The following PZP variants were observed in gnomAD, a reference collection of about 807,000 sequenced individuals.
PZP encodes pregnancy zone protein.
A neutral mutation model predicts 179.8 loss-of-function variants in PZP; 150 were observed. The observed-to-expected ratio is 0.83, with a 90% confidence interval of 0.73 to 0.96. The LOEUF is 0.96. PZP is among the 40% of genes least tolerant of loss of function. The probability of loss-of-function intolerance (pLI) is 0.00; values close to 1 mark genes in which losing one functional copy is unlikely to be tolerated. For synonymous variants in PZP, 624 were observed against 652.3 expected, an observed-to-expected ratio of 0.96 and a Z score of 0.66; for missense variants, 1,689 against 1,764.0, an observed-to-expected ratio of 0.96 and a Z score of 0.76.
chr12:9,200,941 C>G lies in PZP; in HGVS notation c.621G>C (p.Gln207His), dbSNP rs150116909. 1.2e-6 allele frequency: 2 copies of G among 1,613,978 alleles called. No individual in the cohort carries two copies. Among genetic ancestry groups the G allele is most frequent in the African/African-American group, 1.3e-5 (1 of 74,934 alleles). Residue 207 changes from glutamine (Q) to histidine (H), a missense_variant, in exon 6 of 36, where the codon CAG becomes CAC. Around this residue, in one of 3 missense-constraint regions of PZP, gnomAD observed 742 missense variants for 730.5 expected, o/e 1.02. Coordinates refer to ENST00000261336, the MANE Select transcript of PZP (RefSeq NM_002864.3). ...PIQGSYRVVV[Q>H]TESGGRIQHP... ...GCTGTATCCTTCCACCTGATTCTGT[C>G]TGTACCACCACCCTGTAGGAGCCCT...
In PZP at chr12:9,202,329, C is replaced by A; in HGVS notation, c.470G>T (p.Arg157Leu). ...ATAGTGGATGCTTACCAGTTCATTT[C>A]GAGGGCGAAAATTTTCATCCACGGA... is the stretch of plus-strand genomic sequence containing the variant. ...VVSVDENFRP[R>L]NELIPLIYLE... Residue 157 changes from arginine (R) to leucine (L), a missense_variant, in exon 4 of 36, where the codon CGA becomes CTA. Physicochemically the swap from Arg to Leu is moderately radical, Grantham distance 102 (BLOSUM62 -2). This residue lies in a region of PZP where 742 missense variants were observed against 730.5 expected (regional missense o/e 1.02). Transcript: ENST00000261336. 6.2e-7 allele frequency: 1 copy of A among 1,613,862 alleles called. No individual in the cohort carries two copies. Among genetic ancestry groups the A allele is most frequent in the South Asian group, 1.1e-5 (1 of 91,064 alleles).
Position 9,200,939 on chromosome 12 carries a change from G to C in PZP, c.623C>G (p.Thr208Arg). Residue 208 changes from threonine (T) to arginine (R), a missense_variant, in exon 6 of 36, where the codon ACA becomes AGA. Thr to Arg is a moderately conservative substitution (Grantham distance 71). Coordinates refer to ENST00000261336, the MANE Select transcript of PZP (RefSeq NM_002864.3). ...GTGCTGTATCCTTCCACCTGATTCT[G>C]TCTGTACCACCACCCTGTAGGAGCC... ...IQGSYRVVVQ[T>R]ESGGRIQHPF... 2 of 1,614,034 alleles carry C rather than the reference G, an allele frequency of 1.2e-6. No homozygotes were observed. The highest frequency in any genetic ancestry group is 2.2e-5 in the East Asian group (1 of 44,876).
chr12:9,198,089 AT>A lies in PZP; in HGVS notation c.756-967del, dbSNP rs758842883. On this transcript the variant is annotated intron_variant, in intron 7 of 35. Coordinates refer to ENST00000261336, the MANE Select transcript of PZP (RefSeq NM_002864.3). The stretch of plus-strand genomic sequence containing the variant: ...TTCCTTTGGCCAGGTGCTTTGGCTC[AT>A]GCCTGCAACCCCAACACTTTGGGAA... Among the ~76,000 whole-genome samples the A allele has an allele frequency of 2.2e-3, 329 of 150,270 alleles. 1 individual carries two copies. Among genetic ancestry groups the A allele is most frequent in the African/African-American group, 7.7e-3 (313 of 40,770 alleles).
intron 15 of PZP, among the ~76,000 whole-genome samples, chr12:9,178,117 C>T (rs1942511939): frequency 6.6e-6 from 1 of 152,188 alleles, no homozygotes; most frequent in Non-Finnish European, 1.5e-5. Context: ...TTGATTATAG[C>T]AATCCCCCAA....
chr12:9,157,555 C>A (rs3759276), intron 27 of PZP, among the ~76,000 whole-genome samples, 200 bp from the exon 28 acceptor site: 1 of 152,000 alleles, frequency 6.6e-6, no homozygotes, highest in Non-Finnish European at 1.5e-5. Flanking sequence ...ACTAGAGAAC[C>A]TGTTTTTAGG....
rs765756001 is a variant in PZP at position 9,182,031 on chromosome 12, C to T, written c.1633G>A (p.Gly545Arg). The change falls in exon 14 of 36, where the codon GGA becomes AGA. Residue 545 changes from glycine to arginine, a missense_variant. Physicochemically the swap from Gly to Arg is moderately radical, Grantham distance 125 (BLOSUM62 -2). Around this residue, in one of 3 missense-constraint regions of PZP, gnomAD observed 742 missense variants for 730.5 expected, o/e 1.02. Transcript: ENST00000261336. ...RMFIFAILPD[G>R]EVVGDSEKFE... The stretch of plus-strand genomic sequence containing the variant: ...TTTTCAGAGTCTCCAACAACTTCTC[C>T]ATCTGGTAAAATGGCAAAGATGAAC... 4 of 1,613,822 alleles carry T rather than the reference C, an allele frequency of 2.5e-6. No individual in the cohort carries two copies. Among genetic ancestry groups the T allele is most frequent in the South Asian group, 1.1e-5 (1 of 91,034 alleles).
Position 9,202,523 on chromosome 12 carries a change from A to C in PZP, c.427+2T>G, listed in dbSNP as rs779820933. On this transcript the variant is annotated splice_donor_variant, in intron 3 of 35. Coordinates refer to ENST00000261336, the MANE Select transcript of PZP (RefSeq NM_002864.3). LOFTEE classifies it high-confidence loss of function. Reference sequence around the variant, plus strand: ...CCCAAACAGTGGAATTTCCCTACTTACCTGTCTGTCCTGGTTTATACATGG... The same window carrying C: ...CCCAAACAGTGGAATTTCCCTACTTCCCTGTCTGTCCTGGTTTATACATGG... 2.4e-5 allele frequency: 38 copies of C among 1,613,776 alleles called. No individual in the cohort carries two copies. Among genetic ancestry groups the C allele is most frequent in the Non-Finnish European group, 3.1e-5 (36 of 1,179,930 alleles).
chr12:9,196,277 T>C, intron 10 of PZP, 53 bp downstream of exon 10: 1 of 1,276,128 alleles, frequency 7.8e-7, no homozygotes, highest in Non-Finnish European at 1.1e-6. Context: ...TTGTGTCCTG[T>C]GCTTAGGTGC....
At chr12:9,169,725 T>C (rs1941850759) in intron 15 of PZP, 134 bp from the exon 16 acceptor site, 1 of 794,382 alleles carries the variant, frequency 1.3e-6, no homozygotes, top group Non-Finnish European at 1.8e-6. Flanking sequence ...TTAGAGATAG[T>C]TGAAGATTTT....
rs1427923585 is a variant in PZP at position 9,192,632 on chromosome 12, G to T, written c.1362C>A (p.Tyr454Ter). The T allele has an allele frequency of 6.2e-7, 1 of 1,613,968 alleles. No individual in the cohort carries two copies. Among genetic ancestry groups the T allele is most frequent in the Non-Finnish European group, 8.5e-7 (1 of 1,179,936 alleles). ...TACCAGCCACAGGCTCCAGGTGAAT[G>T]TAACTTCCACTTAAGGAGAAAACAC... ...ANRVFSLSGS[Y>*]IHLEPVAGTL... Residue 454 changes from tyrosine to a stop codon, truncating the protein, a stop_gained, in exon 12 of 36, where the codon TAC becomes TAA. Transcript: ENST00000261336. LOFTEE classifies it high-confidence loss of function.
chr12:9,164,011 A>G, intron 20 of PZP, 122 bp downstream of exon 20: 4 of 1,367,618 alleles, frequency 2.9e-6, no homozygotes, highest in Non-Finnish European at 9.9e-7. Flanking sequence ...TAGAAATAGG[A>G]AAAAAAACTA....
chr12:9,146,614 T>G (rs1274978286), downstream of PZP, among the ~76,000 whole-genome samples: 1 of 151,700 alleles, frequency 6.6e-6, no homozygotes, highest in Non-Finnish European at 1.5e-5. Flanking sequence ...GGAAGGCACC[T>G]CTCCCATTCT....
At chr12:9,200,794 G>A (rs1944110786) in intron 6 of PZP, 98 bp downstream of exon 6, 1 of 1,290,716 alleles carries the variant, frequency 7.7e-7, no homozygotes, top group African/African-American at 1.5e-5. Context: ...TGACTCTACT[G>A]CAAGTTCAAC....
At position 9,200,984 on chromosome 12, in the gene PZP, A is replaced by T. The variant is rs764479523; in HGVS notation, c.578T>A (p.Leu193His). ...EAGINQLSFPLSSEPIQGSYR... is the reference protein window; with the variant it reads ...EAGINQLSFPHSSEPIQGSYR... ...GGAGCCCTGAATGGGCTCTGATGAG[A>T]GGGGAAAGGACAACTGATTGATGCC... The change falls in exon 6 of 36, where the codon CTC becomes CAC. Residue 193 changes from leucine to histidine, a missense_variant. Coordinates refer to ENST00000261336, the MANE Select transcript of PZP (RefSeq NM_002864.3). 10 of 1,614,050 alleles carry T rather than the reference A, an allele frequency of 6.2e-6. No individual in the cohort carries two copies. Among genetic ancestry groups the T allele is most frequent in the African/African-American group, 1.3e-5 (1 of 74,996 alleles).
chr12:9,157,044 C>A, intron 28 of PZP, 131 bp downstream of exon 28: 1 of 750,968 alleles, frequency 1.3e-6, no homozygotes, highest in South Asian at 2.6e-5. Context: ...GTTATTAGGT[C>A]CCCCATGCAT....
chr12:9,192,157 AG>A, intron 13 of PZP, 35 bp downstream of exon 13: 1 of 1,564,416 alleles, frequency 6.4e-7, no homozygotes, highest in East Asian at 2.2e-5. Flanking sequence ...AGGATGTGTT[AG>A]GGGAGCAAGG....
chr12:9,139,810 G>T, the PZP span, among the ~76,000 whole-genome samples: 4 of 151,658 alleles, frequency 2.6e-5, no homozygotes, highest in Admixed American at 2.6e-4. Context: ...TGAAAGACAG[G>T]TTTATTTTGG....
At chr12:9,176,580 T>G (rs777277390) in intron 15 of PZP, among the ~76,000 whole-genome samples, 1 of 152,208 alleles carries the variant, frequency 6.6e-6, no homozygotes, top group Non-Finnish European at 1.5e-5. Context: ...GTCTATGCAG[T>G]GTACTTTTTA....
Position 9,148,934 on chromosome 12 carries a change from G to T in PZP, c.*38C>A, listed in dbSNP as rs1940153188. ...CCATTCCTTCTAAGTAAATGTATAG[G>T]ACAGAGAATCCACCAAAATATACAG... is the stretch of plus-strand genomic sequence containing the variant. On this transcript the variant is annotated 3_prime_UTR_variant, in exon 36 of 36. Coordinates refer to ENST00000261336, the MANE Select transcript of PZP (RefSeq NM_002864.3). 1 of 1,561,206 alleles carries T rather than the reference G, an allele frequency of 6.4e-7. No homozygotes were observed. Among genetic ancestry groups the T allele is most frequent in the Admixed American group, 1.7e-5 (1 of 59,682 alleles).
Sources: allele counts gnomAD v4.1 joint callset (sites outside exome capture counted in the v4.1 genomes callset), GRCh38; gene constraint gnomAD v4.1.1; regional missense constraint gnomAD v4.1.1; transcripts MANE v1.5; gene names NCBI Gene and HGNC (gene_info 2026-07-23, HGNC 2026-07-21).